NKAIN3: variants seen among roughly 807,000 people sequenced by gnomAD.
NKAIN3 encodes sodium/potassium-transporting ATPase subunit beta-1-interacting protein 3.
Under a neutral mutation model 30.2 loss-of-function variants are expected in NKAIN3, and 25 were observed. The observed-to-expected ratio is 0.83, with a 90% CI of 0.60 to 1.16. The LOEUF is 1.16. Ranked by LOEUF, NKAIN3 falls within the 50% of genes most tolerant of loss-of-function variation. NKAIN3 has a pLI of 0.00. For missense variants in NKAIN3, 225 were observed against 254.1 expected, an observed-to-expected ratio of 0.89 and a Z score of 0.78; for synonymous variants, 91 against 89.6, an observed-to-expected ratio of 1.02 and a Z score of -0.09.
At chr8:62,797,879 C>A (rs188519307) in intron 4 of NKAIN3, among the ~76,000 whole-genome samples, 1 of 152,092 alleles carries the variant, frequency 6.6e-6, no homozygotes, top group African/African-American at 2.4e-5. Context: ...TGTAGACCGA[C>A]CCTCACACAA....
At chr8:62,801,130 G>A (rs1378624561) in intron 4 of NKAIN3, among the ~76,000 whole-genome samples, 3 of 152,344 alleles carry the variant, frequency 2.0e-5, no homozygotes, top group Admixed American at 2.0e-4. Flanking sequence ...CAACTGGGTG[G>A]AGCCCACCAC....
chr8:62,368,384 A>G, intron 1 of NKAIN3, among the ~76,000 whole-genome samples: 1 of 152,194 alleles, frequency 6.6e-6, no homozygotes, highest in East Asian at 1.9e-4. Flanking sequence ...GAGGGCCAAG[A>G]CATAAATTCA....
chr8:62,652,870 G>A (rs1563501180), intron 3 of NKAIN3, among the ~76,000 whole-genome samples: 3 of 152,140 alleles, frequency 2.0e-5, no homozygotes, highest in African/African-American at 7.2e-5. Context: ...CTCCACCAGT[G>A]TTAGAGCAAA....
At chr8:62,954,902 A>G (rs1823380361) in intron 6 of NKAIN3, among the ~76,000 whole-genome samples, 1 of 152,196 alleles carries the variant, frequency 6.6e-6, no homozygotes. Context: ...CCATCACCCA[A>G]CCTGATATGA....
downstream of NKAIN3, among the ~76,000 whole-genome samples, chr8:62,985,641 C>T (rs1288440581): frequency 5.9e-5 from 9 of 152,278 alleles, no homozygotes; most frequent in East Asian, 1.7e-3. Flanking sequence ...CATTTAACAT[C>T]TGACCTGAGT....
intron 3 of NKAIN3, among the ~76,000 whole-genome samples, chr8:62,709,030 A>G (rs559724622): frequency 3.9e-5 from 6 of 152,316 alleles, no homozygotes; most frequent in Admixed American, 1.3e-4. Context: ...CTGTTTGTCA[A>G]CTTGCATGTG....
At chr8:62,749,007 G>A (rs1193083587) in intron 4 of NKAIN3, among the ~76,000 whole-genome samples, 3 of 151,862 alleles carry the variant, frequency 2.0e-5, no homozygotes, top group African/African-American at 4.8e-5. Flanking sequence ...TTTTAAAAAT[G>A]TGTAGGCTAT....
chr8:62,777,920 G>A (rs1377883553), intron 4 of NKAIN3, among the ~76,000 whole-genome samples: 1 of 152,128 alleles, frequency 6.6e-6, no homozygotes, highest in African/African-American at 2.4e-5. Flanking sequence ...AGCATTAGGA[G>A]ACATTCCAAG....
intron 4 of NKAIN3, among the ~76,000 whole-genome samples, chr8:62,805,866 A>T (rs1319241432): frequency 6.6e-6 from 1 of 152,204 alleles, no homozygotes; most frequent in Non-Finnish European, 1.5e-5. Flanking sequence ...TATACAGGCA[A>T]CCTACAAAAT....
chr8:62,863,562 A>G (rs1269816317), intron 4 of NKAIN3: 3 of 1,181,692 alleles, frequency 2.5e-6, no homozygotes, highest in Non-Finnish European at 3.8e-6. Flanking sequence ...AGTACTCCCA[A>G]GACCATGCAG....
Position 62,968,506 on chromosome 8 carries a change from C to A in NKAIN3, c.*3099C>A, listed in dbSNP as rs976464331. ...CAGAGTAAGGGAAAATGAATGCATC[C>A]CTTAGCTTGCATTCATTGGTCAGAA... On this transcript the variant is annotated 3_prime_UTR_variant, in exon 7 of 7. Coordinates refer to ENST00000623646, the MANE Select transcript of NKAIN3 (RefSeq NM_001304533.3). Among the ~76,000 whole-genome samples the A allele has an allele frequency of 6.6e-6, 1 of 152,094 alleles. No homozygotes were observed. Among genetic ancestry groups the A allele is most frequent in the African/African-American group, 2.4e-5 (1 of 41,420 alleles).
chr8:62,500,469 GA>G (rs1563427405), intron 1 of NKAIN3, among the ~76,000 whole-genome samples: 145 of 119,374 alleles, frequency 1.2e-3, no homozygotes, highest in African/African-American at 3.9e-3. Flanking sequence ...AAGAAAGAAA[GA>G]AAGAAAGAAA....
intron 4 of NKAIN3, among the ~76,000 whole-genome samples, chr8:62,818,470 AATTTT>A (rs1563577478): frequency 6.6e-6 from 1 of 152,100 alleles, no homozygotes; most frequent in African/African-American, 2.4e-5. Context: ...GCATTAATTA[AATTTT>A]ATTTTATCTC....
rs1235018662 is a variant in NKAIN3, at chr8:62,979,543, G to T, written c.*14136G>T. 1.3e-5 allele frequency: 2 copies of T among 152,178 alleles called. No individual in the cohort carries two copies. The highest frequency in any genetic ancestry group is 3.9e-4 in the East Asian group (2 of 5,188). 9.4% of individuals were successfully genotyped at this position (152,178 alleles called of 1,614,324 possible). ...ATAAATGGTAAATTATTATTTTGGG[G>T]AGTGAAAGCTAAAAGAAATAATATG... On this transcript the variant is annotated 3_prime_UTR_variant, in exon 7 of 7. Coordinates refer to ENST00000623646, the MANE Select transcript of NKAIN3 (RefSeq NM_001304533.3).
At chr8:62,468,936 A>T (rs887035924) in intron 1 of NKAIN3, among the ~76,000 whole-genome samples, 2 of 152,172 alleles carry the variant, frequency 1.3e-5, no homozygotes, top group African/African-American at 4.8e-5. Context: ...GACATCTACT[A>T]GGTTGGATAT....
intron 4 of NKAIN3, among the ~76,000 whole-genome samples, chr8:62,840,437 AACAAT>A (rs1485550276): frequency 6.6e-6 from 1 of 150,798 alleles, no homozygotes; most frequent in Non-Finnish European, 1.5e-5. Context: ...AAAAAAAAAA[AACAAT>A]CAGAGAGAAA....
chr8:62,653,909 T>C (rs1224105678), intron 3 of NKAIN3, among the ~76,000 whole-genome samples: 1 of 152,130 alleles, frequency 6.6e-6, no homozygotes, highest in Non-Finnish European at 1.5e-5. Flanking sequence ...TTGACAAGCA[T>C]TTTCTGTGGA....
At chr8:62,789,738 T>C (rs1199111696) in intron 4 of NKAIN3, among the ~76,000 whole-genome samples, 2 of 152,028 alleles carry the variant, frequency 1.3e-5, no homozygotes, top group African/African-American at 2.4e-5. Context: ...CCTGGACACA[T>C]ACACTCTCCC....
intron 3 of NKAIN3, among the ~76,000 whole-genome samples, chr8:62,732,117 A>T (rs986978084): frequency 2.0e-5 from 3 of 152,118 alleles, no homozygotes; most frequent in Non-Finnish European, 4.4e-5. Flanking sequence ...TGTTTTAATA[A>T]TTTAGATTTT....
Sources: gnomAD v4.1 joint callset for allele counts (sites outside exome capture counted in the v4.1 genomes callset) on GRCh38, gnomAD v4.1.1 for gene constraint, MANE v1.5 for transcripts, NCBI Gene and HGNC (gene_info 2026-07-23, HGNC 2026-07-21) for gene names.